Variants in ADCY9 observed in about 807,000 individuals in gnomAD.
ADCY9 encodes adenylate cyclase type 9.
A neutral mutation model predicts 101.5 loss-of-function variants in ADCY9; 50 were observed. The ratio of observed to expected loss-of-function variants is 0.49; its 90% CI spans 0.39 to 0.62. The LOEUF (loss-of-function observed/expected upper bound fraction) is 0.62. Ranked by LOEUF, ADCY9 falls within the 20% of genes least tolerant of loss-of-function variation. The pLI is 0.00. For synonymous variants in ADCY9, 905 were observed against 769.3 expected (o/e 1.18, Z -2.92); for missense variants, 1,662 against 1,800.4 (o/e 0.92, Z 1.39).
At chr16:4,011,945 C>T (rs868007415) in intron 2 of ADCY9, among the ~76,000 whole-genome samples, 1 of 152,218 alleles carries the variant, frequency 6.6e-6, no homozygotes, top group African/African-American at 2.4e-5. Flanking sequence ...TCAACACGCA[C>T]GCAGCAAGCA....
intron 2 of ADCY9, among the ~76,000 whole-genome samples, chr16:4,008,333 C>T (rs758981433): frequency 2.6e-5 from 4 of 152,080 alleles, no homozygotes; most frequent in Admixed American, 6.6e-5. Context: ...GATCCTGCCC[C>T]GGGAATCTGC....
At chr16:3,997,790 G>A (rs2056298971) in intron 3 of ADCY9, among the ~76,000 whole-genome samples, 1 of 152,162 alleles carries the variant, frequency 6.6e-6, no homozygotes, top group East Asian at 1.9e-4. Context: ...TCATTTTACT[G>A]CACTTTGAAA....
intron 2 of ADCY9, among the ~76,000 whole-genome samples, chr16:4,085,654 G>A (rs1252917777): frequency 6.6e-6 from 1 of 152,064 alleles, no homozygotes; most frequent in Non-Finnish European, 1.5e-5. Flanking sequence ...AAGAGGGAGA[G>A]GTCTGCGTTG....
In ADCY9 at chr16:4,061,625, C is replaced by T. The variant is rs1304950936; in HGVS notation, c.1693+52125G>A. ...TTCCATATCCATCAAAACCATACCC[C>T]AAAACTAACAAGTAGAAATAAAGAT... On this transcript the variant is annotated intron_variant, in intron 2 of 10. Transcript: ENST00000294016. Among the ~76,000 whole-genome samples the T allele has an allele frequency of 2.0e-5, 3 of 151,932 alleles. No individual in the cohort carries two copies. The East Asian group carries it at 5.8e-4, about 29-fold the overall frequency.
At chr16:4,051,362 A>G (rs2056700161) in intron 2 of ADCY9, among the ~76,000 whole-genome samples, 2 of 152,094 alleles carry the variant, frequency 1.3e-5, no homozygotes, top group Middle Eastern at 6.8e-3. Context: ...CGTCTCTACT[A>G]AAAATACAAA....
chr16:4,062,340 A>C (rs1597202255), intron 2 of ADCY9, among the ~76,000 whole-genome samples: 2 of 152,376 alleles, frequency 1.3e-5, no homozygotes, highest in East Asian at 3.9e-4. Flanking sequence ...CAGAACAAAA[A>C]GATGTGAGAC....
At chr16:4,089,476 A>G (rs745883269) in intron 2 of ADCY9, among the ~76,000 whole-genome samples, 22 of 152,102 alleles carry the variant, frequency 1.4e-4, no homozygotes, top group Non-Finnish European at 2.8e-4. Flanking sequence ...TGTGTTCATC[A>G]GCAGACAGGC....
chr16:4,090,857 G>C (rs966063302), intron 2 of ADCY9, among the ~76,000 whole-genome samples: 1 of 151,838 alleles, frequency 6.6e-6, no homozygotes, highest in African/African-American at 2.4e-5. Flanking sequence ...TATAAAAAGA[G>C]TCTCTAGGCT....
At position 4,007,566 on chromosome 16, in the gene ADCY9, G is replaced by A. The variant is rs763512945; in HGVS notation, c.1694-8C>T. 4.4e-6 allele frequency: 7 copies of A among 1,601,350 alleles called. No individual in the cohort carries two copies. The highest frequency in any genetic ancestry group is 3.4e-4 in the Middle Eastern group (2 of 5,970). ...TCAGGTATGTCTTCAAACCTATGAT[G>A]GATAAAAGTTACAGTCAGCACAGAT... is the stretch of plus-strand genomic sequence containing the variant. On this transcript the variant is annotated splice_polypyrimidine_tract_variant and splice_region_variant and intron_variant, in intron 2 of 10. Transcript: ENST00000294016.
chr16:3,966,591 G>A lies in ADCY9; in HGVS notation c.3246C>T (p.Tyr1082=), dbSNP rs752839532. 1.2e-6 allele frequency: 2 copies of A among 1,614,194 alleles called. No individual in the cohort carries two copies. The highest frequency in any genetic ancestry group is 2.2e-5 in the East Asian group (1 of 44,882). The change falls in exon 11 of 11, where the codon TAC becomes TAT. Residue 1082 remains tyrosine (Y), a synonymous_variant. Coordinates refer to ENST00000294016, the MANE Select transcript of ADCY9 (RefSeq NM_001116.4). ...CCCCGATGAGCTCGTTGAGGACCCG[G>A]TAGCACTCCTTGCCGCCCTCGTAGT... ...EENYEGGKEC[Y]RVLNELIGDF...
At chr16:4,002,056 C>T (rs2056335009) in intron 3 of ADCY9, among the ~76,000 whole-genome samples, 1 of 152,032 alleles carries the variant, frequency 6.6e-6, no homozygotes, top group Non-Finnish European at 1.5e-5. Flanking sequence ...CGGAGACTAC[C>T]CTTTAGTTTT....
At chr16:4,063,529 T>G (rs1460579699) in intron 2 of ADCY9, among the ~76,000 whole-genome samples, 1 of 152,016 alleles carries the variant, frequency 6.6e-6, no homozygotes, top group Admixed American at 6.6e-5. Flanking sequence ...GGTAATATAG[T>G]GAGACCCTGT....
chr16:4,046,435 G>A (rs539692229), intron 2 of ADCY9, among the ~76,000 whole-genome samples: 4 of 152,250 alleles, frequency 2.6e-5, no homozygotes, highest in Admixed American at 6.5e-5. Context: ...GCCAGCACAC[G>A]TTGCTTGTGT....
intron 2 of ADCY9, among the ~76,000 whole-genome samples, chr16:4,087,962 G>C (rs912529595): frequency 6.7e-6 from 1 of 149,106 alleles, no homozygotes; most frequent in Non-Finnish European, 1.5e-5. Flanking sequence ...TTGCGACAGA[G>C]TCTCACTCTG....
intron 2 of ADCY9, among the ~76,000 whole-genome samples, chr16:4,104,466 G>A (rs933184386): frequency 2.0e-5 from 3 of 152,170 alleles, no homozygotes; most frequent in Admixed American, 1.3e-4. Flanking sequence ...TAAAAAATCA[G>A]CGGGGTGTGG....
intron 10 of ADCY9, 27 bp from the exon 11 acceptor site, chr16:3,966,993 A>G (rs1331204859): frequency 6.3e-7 from 1 of 1,583,014 alleles, no homozygotes. Context: ...CGGGAAAGGG[A>G]GAGGTTACTG....
rs1331522344 is a variant in ADCY9 at position 4,116,405 on chromosome 16, C to A, written c.-759G>T. Among the ~76,000 whole-genome samples, 2 of 146,124 alleles carry A rather than the reference C, an allele frequency of 1.4e-5. No homozygotes were observed. The highest frequency in any genetic ancestry group is 3.0e-5 in the Non-Finnish European group (2 of 65,758). On this transcript the variant is annotated 5_prime_UTR_variant, in exon 1 of 11. Transcript: ENST00000294016. ...TGCCTCATGTCGGAAGAGCTGCCGC[C>A]GCCACCATCTCCGGCCCCTGCCCCG...
intron 2 of ADCY9, among the ~76,000 whole-genome samples, chr16:4,013,871 TA>T (rs2056420060): frequency 6.6e-6 from 1 of 152,202 alleles, no homozygotes. Context: ...ATGTTAACAT[TA>T]AAATGCTCTC....
At chr16:3,974,986 C>T (rs1262796124) in intron 9 of ADCY9, among the ~76,000 whole-genome samples, 1 of 152,092 alleles carries the variant, frequency 6.6e-6, no homozygotes, top group African/African-American at 2.4e-5. Flanking sequence ...GGCTCTGAGG[C>T]CTCAAGTGGA....
Sources: gnomAD v4.1 joint callset for allele counts (sites outside exome capture counted in the v4.1 genomes callset) on GRCh38, gnomAD v4.1.1 for gene constraint, MANE v1.5 for transcripts, NCBI Gene and HGNC (gene_info 2026-07-23, HGNC 2026-07-21) for gene names.